Variants in LSG1 observed in about 807,000 individuals in gnomAD.
LSG1 encodes large 60S subunit nuclear export GTPase 1, also known as large subunit GTPase 1 homolog.
A neutral mutation model predicts 82.6 loss-of-function variants in LSG1; 55 were observed. That is an observed-to-expected ratio of 0.67 (90% confidence interval 0.54 to 0.83). LSG1 has a LOEUF of 0.83. LSG1 is among the 40% of genes least tolerant of loss of function. LSG1 has a pLI of 0.00. For missense variants in LSG1, 809 were observed against 807.9 expected (o/e 1.00, Z -0.02); for synonymous variants, 272 against 282.5 (o/e 0.96, Z 0.37).
At chr3:194,644,383 A>AAAAAAAAT (rs1553844931) in intron 13 of LSG1, among the ~76,000 whole-genome samples, 190 bp downstream of exon 13, 5 of 132,862 alleles carry the variant, frequency 3.8e-5, no homozygotes, top group Non-Finnish European at 6.4e-5. Flanking sequence ...AAAAAAAATA[A>AAAAAAAAT]AAATAAATAA....
chr3:194,643,357 C>T (rs1718438211), intron 13 of LSG1, among the ~76,000 whole-genome samples: 1 of 152,096 alleles, frequency 6.6e-6, no homozygotes, highest in Non-Finnish European at 1.5e-5. Flanking sequence ...TGATATGGGA[C>T]TTGTATCCAG....
intron 5 of LSG1, chr3:194,660,671 TG>T (rs1352814842): frequency 3.2e-6 from 1 of 309,532 alleles, no homozygotes; most frequent in African/African-American, 2.2e-5. Context: ...AGCATATTTT[TG>T]GCAAACAATC....
chr3:194,669,511 G>T (rs939798828), intron 2 of LSG1, among the ~76,000 whole-genome samples: 1 of 152,088 alleles, frequency 6.6e-6, no homozygotes, highest in Non-Finnish European at 1.5e-5. Context: ...CCCGCCCCCT[G>T]CACCAGCAAA....
At chr3:194,662,309 C>G (rs1718950319) in intron 5 of LSG1, among the ~76,000 whole-genome samples, 1 of 152,218 alleles carries the variant, frequency 6.6e-6, no homozygotes, top group Admixed American at 6.5e-5. Context: ...AGTTCCAGGA[C>G]TGGGACCTCA....
intron 5 of LSG1, among the ~76,000 whole-genome samples, chr3:194,661,319 C>A (rs1288650245): frequency 1.3e-5 from 2 of 151,998 alleles, no homozygotes; most frequent in African/African-American, 4.8e-5. Flanking sequence ...AAAATGATTA[C>A]AAAAAAATGG....
At chr3:194,651,257 A>G (rs1007098224) in intron 8 of LSG1, 41 bp from the exon 9 acceptor site, 2 of 1,353,398 alleles carry the variant, frequency 1.5e-6, no homozygotes, top group African/African-American at 1.4e-5. Flanking sequence ...AAAACAGTAC[A>G]TCTATCAAAA....
In LSG1 at chr3:194,652,753, T is replaced by A. The variant is rs1262420813; in HGVS notation, c.1149A>T (p.Lys383Asn). 12 of 1,613,566 alleles carry A rather than the reference T, an allele frequency of 7.4e-6. No individual in the cohort carries two copies. Among genetic ancestry groups the A allele is most frequent in the Non-Finnish European group, 9.3e-6 (11 of 1,179,688 alleles). The change falls in exon 8 of 14, where the codon AAA becomes AAT. Residue 383 changes from lysine to asparagine, a missense_variant. Coordinates refer to ENST00000265245, the MANE Select transcript of LSG1 (RefSeq NM_018385.3). ...FKELHTGRKV[K>N]DGQLTVGLVG... The stretch of plus-strand genomic sequence containing the variant: ...CCAGTCCGACCGTAAGTTGCCCATC[T>A]TTCACCTTTCTCCCAGTGTGTAGCT...
At chr3:194,645,743 G>C (rs919898661) in intron 12 of LSG1, among the ~76,000 whole-genome samples, 3 of 152,176 alleles carry the variant, frequency 2.0e-5, no homozygotes, top group African/African-American at 4.8e-5. Context: ...TAATCTCACA[G>C]ACTTGTTACA....
At chr3:194,655,852 C>G (rs1205688649) in intron 7 of LSG1, among the ~76,000 whole-genome samples, 1 of 152,146 alleles carries the variant, frequency 6.6e-6, no homozygotes, top group East Asian at 1.9e-4. Context: ...TGCCACACAT[C>G]TACAATTATC....
chr3:194,645,575 GACACACACACACACACACACACAC>G lies in LSG1; in HGVS notation c.1623+565_1623+588del, dbSNP rs57272537. Among the ~76,000 whole-genome samples, 34 of 20,104 alleles carry G rather than the reference GACACACACACACACACACACACAC, an allele frequency of 1.7e-3. 1 individual carries two copies. Among genetic ancestry groups the G allele is most frequent in the South Asian group, 4.7e-3 (2 of 424 alleles). 13.2% of individuals were successfully genotyped at this position (20,104 alleles called of 152,430 possible). On this transcript the variant is annotated intron_variant, in intron 12 of 13. Coordinates refer to ENST00000265245, the MANE Select transcript of LSG1 (RefSeq NM_018385.3). ...ACACACACACACACACACACAGACAGACACACACACACACACACACACACACACACACACACACACACACACAGA... is the reference window on the plus strand; with the variant it reads ...ACACACACACACACACACACAGACAGACACACACACACACACACACACAGA...
At chr3:194,657,482 T>C (rs1415367804) in intron 7 of LSG1, among the ~76,000 whole-genome samples, 1 of 136,960 alleles carries the variant, frequency 7.3e-6, no homozygotes, top group Non-Finnish European at 1.6e-5. Context: ...TTTTTTGATA[T>C]TTGAGGGATT....
At chr3:194,644,865 A>C in intron 12 of LSG1, 119 bp from the exon 13 acceptor site, 1 of 742,176 alleles carries the variant, frequency 1.3e-6, no homozygotes, top group Non-Finnish European at 2.0e-6. Context: ...AAGTTAGCTG[A>C]GTTGAGTTTT....
chr3:194,651,568 C>A (rs114166024), intron 8 of LSG1: 3 of 209,888 alleles, frequency 1.4e-5, no homozygotes, highest in African/African-American at 2.3e-5. Flanking sequence ...TGAGGCTGAT[C>A]GGATGGACAT....
intron 13 of LSG1, 121 bp from the exon 14 acceptor site, chr3:194,642,368 C>T (rs959147079): frequency 2.5e-5 from 17 of 690,552 alleles, no homozygotes; most frequent in Non-Finnish European, 3.8e-5. Flanking sequence ...TGAACTTCCG[C>T]CCCCCTCCCC....
intron 12 of LSG1, among the ~76,000 whole-genome samples, chr3:194,645,629 T>G (rs1373559888): frequency 1.7e-5 from 2 of 116,976 alleles, no homozygotes; most frequent in Non-Finnish European, 3.5e-5. Context: ...CACAGAGTTT[T>G]CATTTATTTC....
At chr3:194,670,544 C>T (rs1029877233) in intron 1 of LSG1, among the ~76,000 whole-genome samples, 22 of 151,996 alleles carry the variant, frequency 1.4e-4, no homozygotes, top group African/African-American at 5.3e-4. Flanking sequence ...ACATAGTGAC[C>T]CAAAGGTGTA....
chr3:194,671,131 A>T (rs1475988050), intron 1 of LSG1, among the ~76,000 whole-genome samples: 1 of 152,238 alleles, frequency 6.6e-6, no homozygotes, highest in Non-Finnish European at 1.5e-5. Context: ...TGAATTTCCT[A>T]AATAAATATT....
chr3:194,649,521 CAAAAAAA>C (rs558856677), intron 10 of LSG1, among the ~76,000 whole-genome samples: 4 of 121,742 alleles, frequency 3.3e-5, no homozygotes, highest in African/African-American at 1.2e-4. Context: ...CCATCTCTAC[CAAAAAAA>C]AAAAAAAAAA....
chr3:194,671,185 G>A (rs1270544790), intron 1 of LSG1, among the ~76,000 whole-genome samples: 1 of 152,108 alleles, frequency 6.6e-6, no homozygotes, highest in Admixed American at 6.6e-5. Context: ...CAAAAATAAG[G>A]AATTAGGATC....
Sources: gnomAD v4.1 joint callset for allele counts (sites outside exome capture counted in the v4.1 genomes callset) on GRCh38, gnomAD v4.1.1 for gene constraint, MANE v1.5 for transcripts, NCBI Gene and HGNC (gene_info 2026-07-23, HGNC 2026-07-21) for gene names.